ANO2: variants seen among roughly 807,000 people sequenced by gnomAD.
ANO2 encodes anoctamin 2.
Under a neutral mutation model 124.2 loss-of-function variants are expected in ANO2, and 101 were observed. The ratio of observed to expected loss-of-function variants is 0.81; its 90% confidence interval spans 0.69 to 0.96. ANO2 has a LOEUF of 0.96. Ranked by LOEUF, ANO2 falls within the 40% of genes least tolerant of loss-of-function variation. The probability of loss-of-function intolerance (pLI) is 0.00; values close to 1 mark genes in which losing one functional copy is unlikely to be tolerated. For synonymous variants in ANO2, 486 were observed against 482.5 expected (o/e 1.01, Z -0.09); for missense variants, 1,293 against 1,274.5 (o/e 1.01, Z -0.22).
chr12:5,875,598 C>T (rs1938039618), intron 3 of ANO2, among the ~76,000 whole-genome samples: 1 of 152,226 alleles, frequency 6.6e-6, no homozygotes. Context: ...GTAGCAGATG[C>T]CTAATAACTA....
At chr12:5,740,154 T>C in intron 12 of ANO2, 2 of 357,508 alleles carry the variant, frequency 5.6e-6, no homozygotes, top group South Asian at 2.1e-5. Context: ...TGGTTTGTTA[T>C]ACCAGGGCTG....
chr12:5,705,938 C>T (rs1421537664), intron 14 of ANO2, among the ~76,000 whole-genome samples: 2 of 152,158 alleles, frequency 1.3e-5, no homozygotes, highest in Non-Finnish European at 2.9e-5. Flanking sequence ...TTCACAAAGC[C>T]CTGTGGCTTG....
intron 24 of ANO2, among the ~76,000 whole-genome samples, chr12:5,563,827 A>G (rs1055471825): frequency 6.6e-6 from 1 of 152,062 alleles, no homozygotes; most frequent in Non-Finnish European, 1.5e-5. Context: ...ACAGAGCAGG[A>G]CTCCATCAGT....
intron 14 of ANO2, 154 bp downstream of exon 14, chr12:5,732,366 G>T: frequency 1.6e-6 from 1 of 609,880 alleles, no homozygotes; most frequent in African/African-American, 1.8e-5. Context: ...ATCTCTGGCT[G>T]CAGGACAATG....
chr12:5,813,287 C>A (rs1953494820), intron 7 of ANO2, among the ~76,000 whole-genome samples: 1 of 152,192 alleles, frequency 6.6e-6, no homozygotes, highest in Non-Finnish European at 1.5e-5. Context: ...GAGTACTTTG[C>A]AATACACTTC....
chr12:5,589,643 T>A (rs989841074), intron 20 of ANO2, among the ~76,000 whole-genome samples: 4 of 152,090 alleles, frequency 2.6e-5, no homozygotes, highest in Admixed American at 2.0e-4. Flanking sequence ...GGAAATTAAT[T>A]ACCAAAGGCA....
intron 20 of ANO2, among the ~76,000 whole-genome samples, chr12:5,584,541 G>A (rs1475769516): frequency 1.3e-5 from 2 of 152,226 alleles, no homozygotes; most frequent in Non-Finnish European, 2.9e-5. Context: ...GAGGCAGTAA[G>A]TGAAAGATTC....
At chr12:5,906,597 C>A (rs1238780033) in intron 3 of ANO2, among the ~76,000 whole-genome samples, 2 of 152,034 alleles carry the variant, frequency 1.3e-5, no homozygotes, top group Non-Finnish European at 2.9e-5. Flanking sequence ...GAGATTGAGA[C>A]CATCCTGGCC....
At chr12:5,839,670 C>A (rs1242870553) in intron 4 of ANO2, 2 of 455,284 alleles carry the variant, frequency 4.4e-6, no homozygotes, top group Non-Finnish European at 8.8e-6. Context: ...AGGATGATAA[C>A]AAACCCTTCC....
At chr12:5,583,255 C>A (rs576214220) in intron 20 of ANO2, among the ~76,000 whole-genome samples, 1 of 152,304 alleles carries the variant, frequency 6.6e-6, no homozygotes, top group African/African-American at 2.4e-5. Flanking sequence ...CTCTACATCG[C>A]AATTCTCATT....
chr12:5,846,278 C>A (rs1954683214), intron 4 of ANO2, among the ~76,000 whole-genome samples: 1 of 152,184 alleles, frequency 6.6e-6, no homozygotes, highest in African/African-American at 2.4e-5. Flanking sequence ...TCTATTTCAT[C>A]AAACAGGAAT....
intron 14 of ANO2, among the ~76,000 whole-genome samples, chr12:5,656,483 T>A (rs1860952): frequency 6.6e-6 from 1 of 151,998 alleles, no homozygotes; most frequent in Non-Finnish European, 1.5e-5. Flanking sequence ...TCAGCCCCAG[T>A]TGTCATGGGG....
At chr12:5,798,117 G>A (rs1952925730) in intron 10 of ANO2, among the ~76,000 whole-genome samples, 1 of 152,070 alleles carries the variant, frequency 6.6e-6, no homozygotes, top group African/African-American at 2.4e-5. Flanking sequence ...GACAGAGTGG[G>A]TGGCCACTTG....
At chr12:5,816,549 C>A (rs1292883537) in intron 7 of ANO2, among the ~76,000 whole-genome samples, 8 of 152,094 alleles carry the variant, frequency 5.3e-5, no homozygotes, top group Admixed American at 4.6e-4. Flanking sequence ...CACTCCTACT[C>A]TGTAGCATCC....
intron 20 of ANO2, among the ~76,000 whole-genome samples, chr12:5,592,408 A>C (rs1288874264): frequency 6.6e-6 from 1 of 152,022 alleles, no homozygotes; most frequent in Non-Finnish European, 1.5e-5. Flanking sequence ...AGCCTGCAAC[A>C]CTCAGCAAGC....
chr12:5,565,910 A>G (rs1941722732), intron 23 of ANO2, among the ~76,000 whole-genome samples: 1 of 152,210 alleles, frequency 6.6e-6, no homozygotes, highest in Non-Finnish European at 1.5e-5. Context: ...ACCCTCTCCA[A>G]TAGCTCCCAA....
chr12:5,804,385 G>C (rs968516110), intron 9 of ANO2, among the ~76,000 whole-genome samples: 3 of 152,124 alleles, frequency 2.0e-5, no homozygotes, highest in Admixed American at 1.3e-4. Flanking sequence ...CGAACATTCA[G>C]GGACATTAAA....
At chr12:5,873,171 A>C (rs1035458971) in intron 3 of ANO2, among the ~76,000 whole-genome samples, 39 of 148,846 alleles carry the variant, frequency 2.6e-4, no homozygotes, top group African/African-American at 9.5e-4. Flanking sequence ...CCAGAATTAT[A>C]ACTTTGTTAC....
At chr12:5,678,015 G>A (rs1948329019) in intron 14 of ANO2, among the ~76,000 whole-genome samples, 1 of 152,134 alleles carries the variant, frequency 6.6e-6, no homozygotes, top group African/African-American at 2.4e-5. Context: ...GGGAAGAAAT[G>A]TACCCAGGGA....
Sources: gnomAD v4.1 joint callset for allele counts (sites outside exome capture counted in the v4.1 genomes callset) on GRCh38, gnomAD v4.1.1 for gene constraint, MANE v1.5 for transcripts, NCBI Gene and HGNC (gene_info 2026-07-23, HGNC 2026-07-21) for gene names.